SPATA22: variants seen among roughly 807,000 people sequenced by gnomAD.
SPATA22 encodes the protein spermatogenesis-associated protein 22.
Under a neutral mutation model 47.8 loss-of-function variants are expected in SPATA22, and 29 were observed. The ratio of observed to expected loss-of-function variants is 0.61; its 90% CI spans 0.45 to 0.83. The LOEUF (loss-of-function observed/expected upper bound fraction) is 0.83. Among genes scored for constraint, SPATA22 ranks in the 40% least tolerant of loss-of-function variants. SPATA22 has a pLI of 0.00. For synonymous variants in SPATA22, 133 were observed against 140.9 expected (o/e 0.94, Z 0.40); for missense variants, 410 against 421.7 (o/e 0.97, Z 0.24).
chr17:3,511,119 G>A (rs1024079656), intron 1 of SPATA22: 1 of 152,272 alleles, frequency 6.6e-6, no homozygotes, highest in Non-Finnish European at 1.5e-5. Flanking sequence ...GGAGTTTTAG[G>A]ATGTCCTGAT....
chr17:3,489,212 A>T lies in SPATA22; in HGVS notation c.-73-19814T>A, dbSNP rs375663977. 2.7e-5 allele frequency: 37 copies of T among 1,355,714 alleles called. No individual in the cohort carries two copies. In the African/African-American group the frequency reaches 5.0e-4, roughly 18 times the overall value. 84.0% of individuals were successfully genotyped at this position (1,355,714 alleles called of 1,614,324 possible). On this transcript the variant is annotated intron_variant, in intron 1 of 8. Coordinates refer to the SPATA22 transcript ENST00000541913. ...ATATTTTCATACTTATATAAATGTG[A>T]CTATCTCTCCTTCTGTACCTAGGTA...
intron 1 of SPATA22, among the ~76,000 whole-genome samples, chr17:3,497,948 G>A (rs1172652206): frequency 6.6e-6 from 1 of 152,114 alleles, no homozygotes; most frequent in Non-Finnish European, 1.5e-5. Flanking sequence ...TTCCCGTGGT[G>A]TGACAGCCAT....
intron 1 of SPATA22, chr17:3,494,428 A>G: frequency 6.2e-7 from 1 of 1,611,822 alleles, no homozygotes; most frequent in Non-Finnish European, 8.5e-7. Flanking sequence ...GAAAATGGAG[A>G]AATTGCTGCT....
At chr17:3,509,131 T>C (rs2074077670) in intron 1 of SPATA22, among the ~76,000 whole-genome samples, 1 of 152,010 alleles carries the variant, frequency 6.6e-6, no homozygotes, top group South Asian at 2.1e-4. Flanking sequence ...GAACCATGGG[T>C]TTCTATTCAC....
At chr17:3,448,055 G>A (rs73977723) in intron 6 of SPATA22, among the ~76,000 whole-genome samples, 2,247 of 152,296 alleles carry the variant, frequency 0.015, 45 homozygotes, top group African/African-American at 0.047. Context: ...AGCACTGAGC[G>A]TAGAGAGGAA....
intron 1 of SPATA22, chr17:3,511,393 A>G (rs2074111790): frequency 6.6e-6 from 1 of 152,242 alleles, no homozygotes; most frequent in African/African-American, 2.4e-5. Flanking sequence ...TGGTCCAAGA[A>G]TCAGGACACT....
Position 3,513,638 on chromosome 17 carries a change from C to G in SPATA22, c.-300G>C, listed in dbSNP as rs544410561. 5 of 341,456 alleles carry G rather than the reference C, an allele frequency of 1.5e-5. No homozygotes were observed. In the East Asian group the frequency reaches 2.4e-4, roughly 16 times the overall value. The allele number at this position is 341,456 out of a possible 1,614,324, so 21.2% of individuals were successfully genotyped here. A position where few individuals can be genotyped will look rare whatever the true frequency, so the allele number is the denominator to read the frequency against. On this transcript the variant is annotated 5_prime_UTR_variant, in exon 1 of 9. Coordinates refer to the SPATA22 transcript ENST00000541913. ...GCAATTGGTAAAACCAGAGGCTTCA[C>G]CCGGGACTTCAGGAGGCTCCCAGGC...
chr17:3,490,709 GA>G lies in SPATA22; in HGVS notation c.-73-21312del, dbSNP rs1477198304. Among the ~76,000 whole-genome samples the G allele has an allele frequency of 6.6e-6, 1 of 152,184 alleles. No individual in the cohort carries two copies. Among genetic ancestry groups the G allele is most frequent in the African/African-American group, 2.4e-5 (1 of 41,438 alleles). On this transcript the variant is annotated intron_variant, in intron 1 of 8. Coordinates refer to the SPATA22 transcript ENST00000541913. The surrounding 1 kb of genome is among the most constrained non-coding windows in gnomAD (Gnocchi z 4.6). ...ACAACATACTTACAATAAACCCTCT[GA>G]ATAGGAAGTGTGGGACTACAATATA... is the stretch of plus-strand genomic sequence containing the variant.
chr17:3,450,890 T>G (rs1233899776), intron 5 of SPATA22, among the ~76,000 whole-genome samples: 1 of 152,212 alleles, frequency 6.6e-6, no homozygotes, highest in East Asian at 1.9e-4. Context: ...GAGCACATAC[T>G]GTTGGAAAAT....
chr17:3,480,396 G>C (rs369446607), intron 1 of SPATA22, among the ~76,000 whole-genome samples: 4 of 152,210 alleles, frequency 2.6e-5, no homozygotes, highest in African/African-American at 9.6e-5. Flanking sequence ...CCAGTGAGTC[G>C]GGAGTGCTGA....
intron 1 of SPATA22, among the ~76,000 whole-genome samples, chr17:3,508,772 G>T: frequency 1.0e-5 from 1 of 97,520 alleles, no homozygotes; most frequent in Non-Finnish European, 2.0e-5. Context: ...AGGGGGGAGG[G>T]ATAGCATTAG....
At chr17:3,473,469 G>A (rs2073477762), upstream of SPATA22, among the ~76,000 whole-genome samples, 1 of 152,150 alleles carries the variant, frequency 6.6e-6, no homozygotes, top group Non-Finnish European at 1.5e-5. Context: ...AGCCATGACT[G>A]TGAAGTAAAA....
At chr17:3,508,510 A>G (rs1225243104) in intron 1 of SPATA22, among the ~76,000 whole-genome samples, 2 of 149,072 alleles carry the variant, frequency 1.3e-5, no homozygotes, top group African/African-American at 4.9e-5. Flanking sequence ...CAGATGTCCA[A>G]CAATGATAGA....
Position 3,448,337 on chromosome 17 carries a change from T to C in SPATA22, c.672+470A>G, listed in dbSNP as rs535609165. On this transcript the variant is annotated intron_variant, in intron 6 of 8. Coordinates refer to ENST00000572969, the MANE Select transcript of SPATA22 (RefSeq NM_001170698.2). Reference sequence around the variant, plus strand: ...GAGGAGAGCAGTGTCCATTCATTTATGTATTGCTTATGGCTGCTTCCAAGC... The same window carrying C: ...GAGGAGAGCAGTGTCCATTCATTTACGTATTGCTTATGGCTGCTTCCAAGC... Among the ~76,000 whole-genome samples the C allele has an allele frequency of 1.4e-4, 22 of 152,358 alleles. No individual in the cohort carries two copies. In the South Asian group the frequency reaches 4.3e-3, roughly 30 times the overall value.
chr17:3,446,443 C>T (rs371967588), intron 7 of SPATA22, 29 bp downstream of exon 7: 123 of 1,587,014 alleles, frequency 7.8e-5, no homozygotes, highest in Middle Eastern at 5.1e-4. Flanking sequence ...GAGAGTATTA[C>T]TGAAGTATTT....
At position 3,497,315 on chromosome 17, in the gene SPATA22, C is replaced by T. The variant is rs189433134; in HGVS notation, c.-74+16097G>A. 2.0e-3 allele frequency among the ~76,000 whole-genome samples: 306 copies of T among 152,194 alleles called. 1 individual carries two copies. Among genetic ancestry groups the T allele is most frequent in the Non-Finnish European group, 3.4e-3 (232 of 68,012 alleles). On this transcript the variant is annotated intron_variant, in intron 1 of 8. Coordinates refer to the SPATA22 transcript ENST00000541913. ...CCGGTTCAGAGAAATAGTTCTCAGC[C>T]GAGCCACCCTGTAAATCATCTGGGG...
At chr17:3,471,184 G>A (rs978736844) in intron 1 of SPATA22, among the ~76,000 whole-genome samples, 2 of 151,818 alleles carry the variant, frequency 1.3e-5, no homozygotes, top group Non-Finnish European at 2.9e-5. Flanking sequence ...AAGGGAGGGA[G>A]GGAAGGGAAG....
At chr17:3,470,741 A>G (rs1300168683) in intron 1 of SPATA22, among the ~76,000 whole-genome samples, 1 of 124,812 alleles carries the variant, frequency 8.0e-6, no homozygotes, top group African/African-American at 2.8e-5. Context: ...ACAGAGCGAG[A>G]CTCCGTCTCA....
intron 1 of SPATA22, among the ~76,000 whole-genome samples, chr17:3,491,966 T>C (rs891975157): frequency 1.0e-4 from 15 of 144,140 alleles, no homozygotes; most frequent in African/African-American, 3.6e-4. Context: ...GAGCCTCAAG[T>C]TCCTGGGCTC....
Sources: allele counts gnomAD v4.1 joint callset (sites outside exome capture counted in the v4.1 genomes callset), GRCh38; gene constraint gnomAD v4.1.1; non-coding constraint Gnocchi (gnomAD v3.1); transcripts MANE v1.5; gene names NCBI Gene and HGNC (gene_info 2026-07-23, HGNC 2026-07-21).